Variants in GRIK3 observed in about 807,000 individuals in gnomAD.
GRIK3 encodes the protein glutamate ionotropic receptor kainate type subunit 3, also known as glutamate receptor ionotropic, kainate 3.
A neutral mutation model predicts 102.5 loss-of-function variants in GRIK3; 29 were observed. The ratio of observed to expected loss-of-function variants is 0.28; its 90% confidence interval spans 0.21 to 0.39. GRIK3 has a LOEUF of 0.39. Among genes scored for constraint, GRIK3 ranks in the 10% least tolerant of loss-of-function variants. GRIK3 has a pLI of 1.00. For synonymous variants in GRIK3, 511 were observed against 504.9 expected (o/e 1.01, Z -0.16); for missense variants, 908 against 1,252.4 (o/e 0.73, Z 4.15).
intron 1 of GRIK3, among the ~76,000 whole-genome samples, chr1:36,955,576 T>C (rs1464164691): frequency 6.6e-6 from 1 of 151,800 alleles, no homozygotes; most frequent in Admixed American, 6.6e-5. Context: ...CCCTGCTCCA[T>C]ACAAACACAG....
chr1:37,020,046 C>T (rs182583731), intron 1 of GRIK3, among the ~76,000 whole-genome samples: 1 of 152,358 alleles, frequency 6.6e-6, no homozygotes. Context: ...ATTCCTCTGA[C>T]TCTATCATTC....
At chr1:36,954,948 C>T (rs1641886103) in intron 1 of GRIK3, among the ~76,000 whole-genome samples, 7 of 152,258 alleles carry the variant, frequency 4.6e-5, no homozygotes, top group Admixed American at 4.6e-4. Context: ...CACACACACA[C>T]AGGTCCATAG....
intron 1 of GRIK3, among the ~76,000 whole-genome samples, chr1:36,927,446 C>T (rs944188438): frequency 1.3e-5 from 2 of 151,718 alleles, no homozygotes; most frequent in Non-Finnish European, 2.9e-5. Flanking sequence ...TCTTTTTTGC[C>T]GGATGTGATG....
intron 1 of GRIK3, among the ~76,000 whole-genome samples, chr1:36,999,108 G>A (rs967677302): frequency 2.0e-5 from 3 of 152,084 alleles, no homozygotes; most frequent in South Asian, 2.1e-4. Context: ...ATGGGGCATG[G>A]AGTAGAGTGG....
intron 1 of GRIK3, among the ~76,000 whole-genome samples, chr1:36,932,923 G>T (rs995434369): frequency 3.3e-5 from 5 of 152,186 alleles, no homozygotes; most frequent in African/African-American, 1.2e-4. Context: ...GAGGGAGGAA[G>T]AGGTCATGGA....
intron 1 of GRIK3, among the ~76,000 whole-genome samples, chr1:36,967,362 C>T (rs1397198878): frequency 6.6e-6 from 1 of 152,244 alleles, no homozygotes; most frequent in Non-Finnish European, 1.5e-5. Context: ...TCCTGGATTT[C>T]TGCTCCAACC....
At chr1:36,924,461 T>C (rs572752988) in intron 1 of GRIK3, among the ~76,000 whole-genome samples, 7 of 152,242 alleles carry the variant, frequency 4.6e-5, no homozygotes, top group Admixed American at 2.0e-4. Flanking sequence ...AAGTTGTTTT[T>C]CTCCGCTGCT....
Position 36,806,147 on chromosome 1 carries a change from C to T in GRIK3, c.2271G>A (p.Gly757=). The part of the protein sequence containing the change: ...TQRNCNLTQI[G]GLIDSKGYGI... ...CGTAGCCCTTGGAGTCAATGAGGCC[C>T]CCGATCTGGGTGAGGTTGCAGTTCC... Residue 757 remains glycine (G), a synonymous_variant, in exon 14 of 16, where the codon GGG becomes GGA. Transcript: ENST00000373091. This position sits in a 1 kb window ranked among gnomAD's most constrained non-coding sequence, Gnocchi z 4.0. 2.5e-6 allele frequency: 4 copies of T among 1,614,082 alleles called. No homozygotes were observed. The highest frequency in any genetic ancestry group is 1.7e-5 in the Admixed American group (1 of 60,022).
At position 36,800,280 on chromosome 1, in the gene GRIK3, T is replaced by TC. The variant is rs1161506449; in HGVS notation, c.*1570dup. ...TCATCCAGAATCCCCAGAACCTCCC[T>TC]CCCCTGTTCAAAACCTGCCCCTCCA... On this transcript the variant is annotated 3_prime_UTR_variant, in exon 16 of 16. Transcript: ENST00000373091. 1 of 152,158 alleles carries TC rather than the reference T, an allele frequency of 6.6e-6. No individual in the cohort carries two copies. Among genetic ancestry groups the TC allele is most frequent in the African/African-American group, 2.4e-5 (1 of 41,410 alleles). 9.4% of individuals were successfully genotyped at this position (152,158 alleles called of 1,614,324 possible).
intron 1 of GRIK3, among the ~76,000 whole-genome samples, chr1:36,896,280 T>A (rs541270054): frequency 1.3e-5 from 2 of 152,288 alleles, no homozygotes; most frequent in South Asian, 4.1e-4. Flanking sequence ...TTGTTCAAAA[T>A]AATAATAGCA....
intron 1 of GRIK3, among the ~76,000 whole-genome samples, chr1:37,026,527 A>G (rs1041883168): frequency 6.6e-6 from 1 of 152,180 alleles, no homozygotes; most frequent in Non-Finnish European, 1.5e-5. Context: ...TTTCTCCTAA[A>G]ATTTATTAAG....
At chr1:36,895,859 A>G (rs1641166329) in intron 1 of GRIK3, among the ~76,000 whole-genome samples, 1 of 142,584 alleles carries the variant, frequency 7.0e-6, no homozygotes, top group East Asian at 2.5e-4. Flanking sequence ...AAAGATCAAG[A>G]AAAAAATCCC....
At chr1:36,811,139 G>A (rs953037002) in intron 13 of GRIK3, among the ~76,000 whole-genome samples, 4 of 152,266 alleles carry the variant, frequency 2.6e-5, no homozygotes, top group Admixed American at 6.5e-5. Flanking sequence ...TGTGTGAAGC[G>A]TTTAACACAG....
rs574257157 is a variant in GRIK3, at chr1:36,813,537, C to A, written c.2091+3523G>T. Among the ~76,000 whole-genome samples the A allele has an allele frequency of 4.6e-5, 7 of 152,266 alleles. No individual in the cohort carries two copies. In the South Asian group the frequency reaches 1.5e-3, roughly 32 times the overall value. ...TGAAGACAGCATGTCTGACCTTGTA[C>A]CCCGCTCCACCACTGATCTGCTGTG... On this transcript the variant is annotated intron_variant, in intron 13 of 15. Transcript: ENST00000373091.
chr1:36,835,808 G>A (rs1159423940), intron 10 of GRIK3, among the ~76,000 whole-genome samples: 4 of 152,042 alleles, frequency 2.6e-5, no homozygotes, highest in East Asian at 3.9e-4. Flanking sequence ...CTGGACCCCT[G>A]CCAGGCTCTT....
chr1:36,949,574 CTTTTTTTTTTT>C (rs60157852), intron 1 of GRIK3, among the ~76,000 whole-genome samples: 1,717 of 99,768 alleles, frequency 0.017, 32 homozygotes, highest in South Asian at 0.084. Context: ...CTCTCTCTTT[CTTTTTTTTTTT>C]TTTTTTTTTT....
intron 1 of GRIK3, among the ~76,000 whole-genome samples, chr1:36,997,298 GT>G (rs1642430761): frequency 6.6e-6 from 1 of 152,196 alleles, no homozygotes; most frequent in Admixed American, 6.5e-5. Context: ...TCTGTTCAGA[GT>G]TTTAATTACG....
chr1:36,816,319 T>C (rs1642627972), intron 13 of GRIK3, among the ~76,000 whole-genome samples: 2 of 152,216 alleles, frequency 1.3e-5, no homozygotes, highest in African/African-American at 2.4e-5. Context: ...TACTGTGAGA[T>C]CTCAGTGGCA....
At chr1:36,933,470 G>T (rs1433053343) in intron 1 of GRIK3, among the ~76,000 whole-genome samples, 1 of 152,190 alleles carries the variant, frequency 6.6e-6, no homozygotes, top group Non-Finnish European at 1.5e-5. Context: ...TTTAAATAAA[G>T]ATGTTATCTC....
Sources: allele counts gnomAD v4.1 joint callset (sites outside exome capture counted in the v4.1 genomes callset), GRCh38; gene constraint gnomAD v4.1.1; non-coding constraint Gnocchi (gnomAD v3.1); transcripts MANE v1.5; gene names NCBI Gene and HGNC (gene_info 2026-07-23, HGNC 2026-07-21).